TCF7L1: variants seen among roughly 807,000 people sequenced by gnomAD.
The protein encoded by TCF7L1 is transcription factor 7 like 1, also known as transcription factor 7-like 1.
In TCF7L1, 18 loss-of-function variants were observed where a neutral mutation model predicts 63.7. The ratio of observed to expected loss-of-function variants is 0.28; its 90% CI spans 0.20 to 0.42. The LOEUF (loss-of-function observed/expected upper bound fraction) is 0.42, where lower values mean the gene tolerates loss of function less well. TCF7L1 is among the 10% of genes least tolerant of loss of function. The probability of loss-of-function intolerance (pLI) is 1.00; values close to 1 mark genes in which losing one functional copy is unlikely to be tolerated. For synonymous variants in TCF7L1, 355 were observed against 340.9 expected, an observed-to-expected ratio of 1.04 and a Z score of -0.46; for missense variants, 654 against 779.3, an observed-to-expected ratio of 0.84 and a Z score of 1.91.
chr2:85,296,074 A>G (rs992860386), intron 4 of TCF7L1, among the ~76,000 whole-genome samples: 1 of 152,162 alleles, frequency 6.6e-6, no homozygotes, highest in Non-Finnish European at 1.5e-5. Context: ...CATCATACCC[A>G]GCCAGTAACA....
At chr2:85,294,100 G>A (rs12470602) in intron 4 of TCF7L1, among the ~76,000 whole-genome samples, 4,856 of 135,832 alleles carry the variant, frequency 0.036, 115 homozygotes, top group Middle Eastern at 0.073. Context: ...GCAGTGGCAC[G>A]ATCTTGGCTC....
intron 3 of TCF7L1, among the ~76,000 whole-genome samples, chr2:85,249,050 C>T (rs551512303): frequency 6.6e-5 from 10 of 151,676 alleles, no homozygotes; most frequent in East Asian, 1.9e-4. Flanking sequence ...CTTGGTTTTC[C>T]GTCTCTTGTA....
intron 3 of TCF7L1, among the ~76,000 whole-genome samples, chr2:85,220,501 G>A (rs879928640): frequency 3.9e-5 from 6 of 152,080 alleles, no homozygotes; most frequent in African/African-American, 9.7e-5. Flanking sequence ...GAGCAGCTTG[G>A]ACTACAGGCA....
At position 85,298,267 on chromosome 2, in the gene TCF7L1, C is replaced by T. The variant is rs1188384910; in HGVS notation, c.526-4217C>T. ...CAGCACTTTGGGAGGTTGAGGTGGGCAGATCACGAGGTCGAGAGATCGAGA... is the reference window on the plus strand; with the variant it reads ...CAGCACTTTGGGAGGTTGAGGTGGGTAGATCACGAGGTCGAGAGATCGAGA... On this transcript the variant is annotated intron_variant, in intron 4 of 11. Coordinates refer to ENST00000282111, the MANE Select transcript of TCF7L1 (RefSeq NM_031283.3). Among the ~76,000 whole-genome samples the T allele has an allele frequency of 2.0e-5, 3 of 147,474 alleles. No individual in the cohort carries two copies. In the East Asian group the frequency reaches 6.1e-4, roughly 30 times the overall value.
In TCF7L1 at chr2:85,306,408, C is replaced by G. The variant is rs758342910; in HGVS notation, c.1149+43C>G. On this transcript the variant is annotated intron_variant, in intron 9 of 11. Coordinates refer to ENST00000282111, the MANE Select transcript of TCF7L1 (RefSeq NM_031283.3). This position sits in a 1 kb window ranked among gnomAD's most constrained non-coding sequence, Gnocchi z 4.3. ...CCTCCAGGCCAGGGAGGCAGCGTCC[C>G]TGCATTGATGGCTCCGTGTGGTCTC... 3.1e-6 allele frequency: 5 copies of G among 1,613,632 alleles called. No homozygotes were observed. The highest frequency in any genetic ancestry group is 4.2e-6 in the Non-Finnish European group (5 of 1,179,592).
chr2:85,274,950 G>A (rs1681238370), intron 3 of TCF7L1, among the ~76,000 whole-genome samples: 1 of 152,208 alleles, frequency 6.6e-6, no homozygotes, highest in African/African-American at 2.4e-5. Context: ...CCACACGTGA[G>A]ATAATCACTC....
At chr2:85,269,982 G>A (rs1254204866) in intron 3 of TCF7L1, among the ~76,000 whole-genome samples, 1 of 152,170 alleles carries the variant, frequency 6.6e-6, no homozygotes, top group African/African-American at 2.4e-5. Flanking sequence ...GGAACTGCCC[G>A]TCTATGGAGA....
Position 85,133,990 on chromosome 2 carries a change from C to G in TCF7L1, c.250-26C>G, listed in dbSNP as rs373254287. 229 of 1,607,220 alleles carry G rather than the reference C, an allele frequency of 1.4e-4. No homozygotes were observed. Among genetic ancestry groups the G allele is most frequent in the Non-Finnish European group, 1.8e-4 (216 of 1,177,160 alleles). ...TCCCGGCCCTGCGTCCGCTCACCCG[C>G]TCTTGCCTTTGTGTCTCCTCCGCAG... On this transcript the variant is annotated intron_variant, in intron 1 of 11. Coordinates refer to ENST00000282111, the MANE Select transcript of TCF7L1 (RefSeq NM_031283.3). The surrounding 1 kb of genome is among the most constrained non-coding windows in gnomAD (Gnocchi z 4.4).
chr2:85,144,759 G>GTGTGTGTGTGTGTA (rs1677836364), intron 3 of TCF7L1, among the ~76,000 whole-genome samples: 1 of 150,926 alleles, frequency 6.6e-6, no homozygotes, highest in African/African-American at 2.5e-5. Flanking sequence ...GTATGTGTGT[G>GTGTGTGTGTGTGTA]TGTGTGTATG....
chr2:85,219,161 AT>A (rs11440593), intron 3 of TCF7L1, among the ~76,000 whole-genome samples: 95 of 152,122 alleles, frequency 6.2e-4, no homozygotes, highest in African/African-American at 2.1e-3. Context: ...TCAAAAAACA[AT>A]TTTTTTTCCC....
chr2:85,208,007 C>T (rs1457412647), intron 3 of TCF7L1, among the ~76,000 whole-genome samples: 8 of 152,070 alleles, frequency 5.3e-5, no homozygotes, highest in Non-Finnish European at 7.4e-5. Context: ...CCCGGGTTCA[C>T]GCCATTCTCC....
At chr2:85,160,370 A>G (rs62162854) in intron 3 of TCF7L1, among the ~76,000 whole-genome samples, 65,962 of 151,988 alleles carry the variant, frequency 0.43, 17,725 homozygotes, top group African/African-American at 0.76. Flanking sequence ...GATCACAGGC[A>G]TGTGTCACCA....
chr2:85,177,588 C>A (rs1169715988), intron 3 of TCF7L1, among the ~76,000 whole-genome samples: 2 of 152,072 alleles, frequency 1.3e-5, no homozygotes, highest in Non-Finnish European at 2.9e-5. Context: ...GCCTGTAGTC[C>A]CAGCTACTCG....
intron 4 of TCF7L1, among the ~76,000 whole-genome samples, chr2:85,284,156 A>G (rs552412300): frequency 6.6e-6 from 1 of 152,288 alleles, no homozygotes; most frequent in South Asian, 2.1e-4. Context: ...GACTACAGGC[A>G]TGTGCCACCA....
chr2:85,215,143 G>A (rs1679670285), intron 3 of TCF7L1, among the ~76,000 whole-genome samples: 1 of 152,202 alleles, frequency 6.6e-6, no homozygotes, highest in South Asian at 2.1e-4. Flanking sequence ...TTGAATTGCT[G>A]TTCTGCCACT....
At chr2:85,296,082 A>G (rs1020292031) in intron 4 of TCF7L1, among the ~76,000 whole-genome samples, 1 of 152,146 alleles carries the variant, frequency 6.6e-6, no homozygotes, top group Non-Finnish European at 1.5e-5. Flanking sequence ...CCAGCCAGTA[A>G]CATTAACTTT....
chr2:85,234,126 C>CTTTTCTTTTTTT (rs1680144717), intron 3 of TCF7L1, among the ~76,000 whole-genome samples: 1 of 104,332 alleles, frequency 9.6e-6, no homozygotes, highest in Admixed American at 9.5e-5. Context: ...TTTCTTTTTT[C>CTTTTCTTTTTTT]TTTTCTTTTT....
intron 3 of TCF7L1, among the ~76,000 whole-genome samples, chr2:85,141,261 T>A (rs1191694451): frequency 1.3e-5 from 2 of 151,962 alleles, no homozygotes; most frequent in Admixed American, 1.3e-4. Flanking sequence ...AAATAAAAAA[T>A]AAGAGGAGCT....
chr2:85,139,396 C>T (rs1677667092), intron 3 of TCF7L1, among the ~76,000 whole-genome samples: 2 of 152,088 alleles, frequency 1.3e-5, no homozygotes, highest in African/African-American at 4.8e-5. Context: ...GGCTAAGGGA[C>T]CATGGGAAAC....
Sources: allele counts gnomAD v4.1 joint callset (sites outside exome capture counted in the v4.1 genomes callset), GRCh38; gene constraint gnomAD v4.1.1; non-coding constraint Gnocchi (gnomAD v3.1); transcripts MANE v1.5; gene names NCBI Gene and HGNC (gene_info 2026-07-23, HGNC 2026-07-21).